The following DTNB variants were observed in gnomAD, a reference collection of about 807,000 sequenced individuals.
The protein encoded by DTNB is dystrobrevin beta, also known as DTN-B.
In DTNB, 63 loss-of-function variants were observed where a neutral mutation model predicts 90.7. The observed-to-expected ratio is 0.69, with a 90% CI of 0.57 to 0.86. The LOEUF is 0.86. DTNB is among the 40% of genes least tolerant of loss of function. The pLI is 0.00. For missense variants in DTNB, 744 were observed against 807.1 expected (o/e 0.92, Z 0.95); for synonymous variants, 277 against 286.7 (o/e 0.97, Z 0.34).
At position 25,383,841 on chromosome 2, in the gene DTNB, T is replaced by A. The variant is rs1212341321; in HGVS notation, c.1874A>T (p.Asp625Val). 1.9e-6 allele frequency: 3 copies of A among 1,614,032 alleles called. No individual in the cohort carries two copies. The highest frequency in any genetic ancestry group is 1.1e-5 in the South Asian group (1 of 91,088). ...EEEEKMQNGK[D>V]RG is the part of the protein sequence containing the mutation. ...TCCTGCTGAGCTGCCTTTACCTCTG[T>A]CTTTCCCATTCTGCATCTTCTCTTC... The change falls in exon 19 of 21, where the codon GAC becomes GTC. Residue 625 changes from aspartate (D) to valine (V), a missense_variant. Transcript: ENST00000406818.
chr2:25,433,056 T>C, intron 13 of DTNB, 57 bp from the exon 14 acceptor site: 1 of 1,475,754 alleles, frequency 6.8e-7, no homozygotes. Flanking sequence ...TCACGCTCCC[T>C]CTTTCCCTAT....
rs1306123241 is a variant in DTNB, at chr2:25,628,360, A to G, written c.173T>C (p.Met58Thr). The G allele has an allele frequency of 6.2e-7, 1 of 1,613,336 alleles. No individual in the cohort carries two copies. The highest frequency in any genetic ancestry group is 8.5e-7 in the Non-Finnish European group (1 of 1,179,736). ...GCCATTGTCTCGGAAGGCTTCAATC[A>G]TGTTCCAGATATCAACAAGATGAAC... ...CNLHLVDIWNMIEAFRDNGLN... is the reference protein window; with the variant it reads ...CNLHLVDIWNTIEAFRDNGLN... Residue 58 changes from methionine to threonine, a missense_variant, in exon 4 of 21, where the codon ATG (methionine) becomes ACG (threonine). Physicochemically the swap from Met to Thr is moderately conservative, Grantham distance 81. Transcript: ENST00000406818.
intron 9 of DTNB, among the ~76,000 whole-genome samples, chr2:25,487,784 T>C (rs1431706748): frequency 2.0e-5 from 3 of 152,098 alleles, no homozygotes; most frequent in Admixed American, 6.5e-5. Flanking sequence ...AATTTATTTG[T>C]TTGACCAAAG....
chr2:25,613,065 T>A (rs1193104403), intron 4 of DTNB, among the ~76,000 whole-genome samples: 1 of 152,210 alleles, frequency 6.6e-6, no homozygotes, highest in East Asian at 1.9e-4. Flanking sequence ...ACTCTTTTTA[T>A]AAGGTCAGTA....
intron 10 of DTNB, among the ~76,000 whole-genome samples, chr2:25,471,681 C>T (rs34465003): frequency 0.14 from 22,011 of 152,144 alleles, 1,782 homozygotes; most frequent in Non-Finnish European, 0.18. Flanking sequence ...GGATTACAGG[C>T]GTGAGCCACC....
chr2:25,487,292 A>C (rs1192974221), intron 9 of DTNB, among the ~76,000 whole-genome samples: 1 of 152,212 alleles, frequency 6.6e-6, no homozygotes, highest in Non-Finnish European at 1.5e-5. Context: ...TATTCAGAGA[A>C]AAAGTTCCAC....
At chr2:25,467,276 T>C (rs368607888) in intron 10 of DTNB, among the ~76,000 whole-genome samples, 20 of 150,264 alleles carry the variant, frequency 1.3e-4, no homozygotes, top group African/African-American at 4.9e-4. Context: ...CTAAATTTGA[T>C]GTAATCTTTG....
At chr2:25,438,176 G>T (rs1352862613) in intron 12 of DTNB, among the ~76,000 whole-genome samples, 1 of 152,132 alleles carries the variant, frequency 6.6e-6, no homozygotes, top group Non-Finnish European at 1.5e-5. Flanking sequence ...TAAGAGCGAG[G>T]CACGGGGAGA....
At chr2:25,526,100 G>A (rs924753906) in intron 9 of DTNB, among the ~76,000 whole-genome samples, 8 of 151,922 alleles carry the variant, frequency 5.3e-5, no homozygotes, top group East Asian at 1.9e-4. Flanking sequence ...GAATGAAAAC[G>A]AAGAGATTAA....
At chr2:25,616,715 G>A (rs1429403565) in intron 4 of DTNB, among the ~76,000 whole-genome samples, 3 of 150,334 alleles carry the variant, frequency 2.0e-5, no homozygotes, top group South Asian at 2.1e-4. Context: ...GGTGGATCAC[G>A]AGGTCAAGAG....
At chr2:25,634,354 C>T (rs1280962791) in intron 3 of DTNB, among the ~76,000 whole-genome samples, 1 of 136,998 alleles carries the variant, frequency 7.3e-6, no homozygotes, top group African/African-American at 2.7e-5. Flanking sequence ...GCCCCCCGCC[C>T]GGCCAGCCGC....
intron 16 of DTNB, among the ~76,000 whole-genome samples, chr2:25,397,280 G>C (rs1472404022): frequency 6.6e-6 from 1 of 150,582 alleles, no homozygotes; most frequent in African/African-American, 2.4e-5. Context: ...AGAGGCTGCA[G>C]TGAGCTGAGA....
intron 3 of DTNB, 87 bp from the exon 4 acceptor site, chr2:25,628,471 C>A: frequency 1.6e-6 from 2 of 1,269,492 alleles, no homozygotes; most frequent in South Asian, 1.5e-5. Flanking sequence ...TCAACTAGTT[C>A]TTAAGTTTAA....
At chr2:25,483,945 C>A (rs2065534736) in intron 9 of DTNB, among the ~76,000 whole-genome samples, 2 of 152,294 alleles carry the variant, frequency 1.3e-5, no homozygotes, top group South Asian at 4.1e-4. Flanking sequence ...CATAAATACC[C>A]TTGTGTAACA....
chr2:25,533,939 TTTTTA>T (rs2150940105), intron 8 of DTNB, among the ~76,000 whole-genome samples: 1 of 150,134 alleles, frequency 6.7e-6, no homozygotes, highest in African/African-American at 2.5e-5. Context: ...TTTATTTTTA[TTTTTA>T]TTTATTTATT....
chr2:25,449,768 C>T (rs1191972393), intron 12 of DTNB, among the ~76,000 whole-genome samples: 6 of 139,618 alleles, frequency 4.3e-5, no homozygotes, highest in Non-Finnish European at 4.6e-5. Flanking sequence ...TTTTCTTTTT[C>T]TTTTTTTTTT....
intron 10 of DTNB, among the ~76,000 whole-genome samples, chr2:25,465,524 C>T (rs1324229928): frequency 6.6e-6 from 1 of 152,214 alleles, no homozygotes; most frequent in African/African-American, 2.4e-5. Context: ...CCCATCTCCC[C>T]TGTGTGATCT....
rs75190987 is a variant in DTNB at position 25,449,509 on chromosome 2, T to C, written c.1257+2039A>G. 3.2e-3 allele frequency among the ~76,000 whole-genome samples: 487 copies of C among 152,326 alleles called. 3 individuals are homozygous for C. The highest frequency in any genetic ancestry group is 5.3e-3 in the Non-Finnish European group (359 of 68,022). On this transcript the variant is annotated intron_variant, in intron 12 of 20. Transcript: ENST00000406818. ...CATTTGGTATCATCCAACTTTTTCA[T>C]TGTAGCCATTCTGGTGGGTATACAG...
intron 16 of DTNB, among the ~76,000 whole-genome samples, chr2:25,389,701 CA>C (rs2040529428): frequency 6.6e-6 from 1 of 152,122 alleles, no homozygotes. Flanking sequence ...CTAGCTTTCT[CA>C]GCTAGAAACC....
Sources: gnomAD v4.1 joint callset for allele counts (sites outside exome capture counted in the v4.1 genomes callset) on GRCh38, gnomAD v4.1.1 for gene constraint, MANE v1.5 for transcripts, NCBI Gene and HGNC (gene_info 2026-07-23, HGNC 2026-07-21) for gene names.